LY6S: variants seen among roughly 807,000 people sequenced by gnomAD.
LY6S encodes lymphocyte antigen 6S.
the LY6S span, chr8:143,066,567 G>T: frequency 3.2e-6 from 1 of 310,832 alleles, no homozygotes; most frequent in Non-Finnish European, 6.5e-6. Flanking sequence ...CATGACCATT[G>T]TTCCTTCTTT....
the LY6S span, among the ~76,000 whole-genome samples, chr8:143,071,645 A>C: frequency 6.6e-6 from 1 of 152,200 alleles, no homozygotes; most frequent in Non-Finnish European, 1.5e-5. Context: ...TGATAAATAA[A>C]TAAGTTTTCC....
At chr8:143,075,559 C>T in the LY6S span, among the ~76,000 whole-genome samples, 2 of 152,048 alleles carry the variant, frequency 1.3e-5, no homozygotes, top group African/African-American at 2.4e-5. The surrounding 1 kb of genome is among the most constrained non-coding windows in gnomAD (Gnocchi z 4.1). Context: ...CAAAAAGTAG[C>T]CAGGCGTGGT....
the LY6S span, among the ~76,000 whole-genome samples, chr8:143,050,877 T>G: frequency 7.3e-4 from 111 of 152,108 alleles, no homozygotes; most frequent in Admixed American, 2.9e-3. Flanking sequence ...ACCTAATACC[T>G]CGGCGCAAAA....
chr8:143,047,355 C>T, the LY6S span, among the ~76,000 whole-genome samples: 1 of 151,920 alleles, frequency 6.6e-6, no homozygotes, highest in Non-Finnish European at 1.5e-5. Flanking sequence ...CCATGTTGGC[C>T]AGTCTCAAAC....
the LY6S span, chr8:143,054,114 G>A: frequency 1.3e-5 from 2 of 152,078 alleles, no homozygotes; most frequent in African/African-American, 2.4e-5. Context: ...AGACCATCCT[G>A]GCTAACACAG....
At chr8:143,057,758 G>T in the LY6S span, 8 of 786,442 alleles carry the variant, frequency 1.0e-5, no homozygotes, top group Non-Finnish European at 1.9e-5. Flanking sequence ...GATCTGATCA[G>T]CTCTATCTAG....
the LY6S span, among the ~76,000 whole-genome samples, chr8:143,065,392 G>A: frequency 1.3e-5 from 2 of 152,250 alleles, no homozygotes; most frequent in African/African-American, 2.4e-5. Context: ...CAGCATCCTC[G>A]TTATGCAGCC....
the LY6S span, among the ~76,000 whole-genome samples, chr8:143,060,370 C>T: frequency 6.6e-6 from 1 of 152,268 alleles, no homozygotes; most frequent in Non-Finnish European, 1.5e-5. Context: ...TGGTCACGCT[C>T]CTGATCCACT....
At chr8:143,044,418 C>T in the LY6S span, among the ~76,000 whole-genome samples, 1 of 152,118 alleles carries the variant, frequency 6.6e-6, no homozygotes, top group African/African-American at 2.4e-5. Context: ...GCTCTAGAAC[C>T]CGGAACATCC....
At chr8:143,060,133 C>A in the LY6S span, among the ~76,000 whole-genome samples, 1 of 152,348 alleles carries the variant, frequency 6.6e-6, no homozygotes, top group South Asian at 2.1e-4. Context: ...GAGTGCGAGC[C>A]TTCTGTCATG....
the LY6S span, among the ~76,000 whole-genome samples, chr8:143,061,688 G>A: frequency 2.0e-5 from 3 of 152,188 alleles, no homozygotes; most frequent in South Asian, 6.2e-4. Context: ...GGGATCACAG[G>A]CATGTGCCAC....
At chr8:143,064,442 G>A in the LY6S span, among the ~76,000 whole-genome samples, 109 of 152,330 alleles carry the variant, frequency 7.2e-4, no homozygotes, top group African/African-American at 2.5e-3. Context: ...GTGTTATTCT[G>A]ATAGCCCCAT....
At chr8:143,045,160 A>G in the LY6S span, among the ~76,000 whole-genome samples, 1 of 152,134 alleles carries the variant, frequency 6.6e-6, no homozygotes, top group Non-Finnish European at 1.5e-5. The surrounding 1 kb of genome is among the most constrained non-coding windows in gnomAD (Gnocchi z 5.3). Flanking sequence ...CGGAACACCG[A>G]AGCCCGCCAC....
At chr8:143,065,580 G>A in the LY6S span, among the ~76,000 whole-genome samples, 1 of 150,934 alleles carries the variant, frequency 6.6e-6, no homozygotes, top group African/African-American at 2.4e-5. Context: ...TTTTGGTCAT[G>A]GGTGGATAAC....
At chr8:143,058,268 G>C in the LY6S span, among the ~76,000 whole-genome samples, 2 of 152,250 alleles carry the variant, frequency 1.3e-5, no homozygotes, top group South Asian at 4.1e-4. Flanking sequence ...CCACCAAGTT[G>C]CAGAGACTGG....
chr8:143,043,243 GGGAGTCCACAAC>G, the LY6S span: 1 of 1,366,084 alleles, frequency 7.3e-7, no homozygotes, highest in Non-Finnish European at 9.8e-7. Flanking sequence ...CAAGAGATCT[GGGAGTCCACAAC>G]GGCACTTGTA....
At chr8:143,050,761 T>C in the LY6S span, among the ~76,000 whole-genome samples, 1 of 152,132 alleles carries the variant, frequency 6.6e-6, no homozygotes, top group Non-Finnish European at 1.5e-5. Flanking sequence ...TCTAGAATCC[T>C]GGTGCTGAAT....
chr8:143,043,921 C>G, the LY6S span, among the ~76,000 whole-genome samples: 19 of 152,220 alleles, frequency 1.2e-4, no homozygotes, highest in African/African-American at 3.9e-4. Flanking sequence ...GTGATCCCCC[C>G]GCCTTGGCCT....
At chr8:143,075,506 C>T in the LY6S span, among the ~76,000 whole-genome samples, 2 of 152,240 alleles carry the variant, frequency 1.3e-5, no homozygotes, top group East Asian at 1.9e-4. The surrounding 1 kb of genome is among the most constrained non-coding windows in gnomAD (Gnocchi z 4.1). Flanking sequence ...GGGTTCAAGA[C>T]GAGCCTGGGC....
Sources: allele counts gnomAD v4.1 joint callset (sites outside exome capture counted in the v4.1 genomes callset), GRCh38; gene constraint gnomAD v4.1.1; non-coding constraint Gnocchi (gnomAD v3.1); transcripts MANE v1.5; gene names NCBI Gene and HGNC (gene_info 2026-07-23, HGNC 2026-07-21).